Variants in PPEF1 observed in about 807,000 individuals in gnomAD.
The protein encoded by PPEF1 is serine/threonine-protein phosphatase with EF-hands 1.
Under a neutral mutation model 53.3 loss-of-function variants are expected in PPEF1, and 12 were observed. That is an observed-to-expected ratio of 0.23 (90% CI 0.14 to 0.36). The LOEUF (loss-of-function observed/expected upper bound fraction) is 0.36, where lower values mean the gene tolerates loss of function less well. Among genes scored for constraint, PPEF1 ranks in the 10% least tolerant of loss-of-function variants. PPEF1 has a pLI of 1.00. For synonymous variants in PPEF1, 165 were observed against 176.7 expected, an observed-to-expected ratio of 0.93 and a Z score of 0.52; for missense variants, 334 against 490.4, an observed-to-expected ratio of 0.68 and a Z score of 3.01.
chrX:18,740,315 C>G (rs986652010), intron 3 of PPEF1, among the ~76,000 whole-genome samples: 1 of 111,728 alleles, frequency 9.0e-6, no homozygotes, highest in Admixed American at 9.5e-5. Flanking sequence ...GCTGAGAGAT[C>G]AAAATATTTT....
chrX:18,683,109 C>T (rs1928939888), intron 1 of PPEF1, among the ~76,000 whole-genome samples: 1 of 111,569 alleles, frequency 9.0e-6, no homozygotes, highest in Non-Finnish European at 1.9e-5. Context: ...CCCCATGATT[C>T]GATTGCCTCC....
intron 4 of PPEF1, among the ~76,000 whole-genome samples, chrX:18,754,039 A>G (rs1190731837): frequency 1.1e-5 from 1 of 94,029 alleles, no homozygotes; most frequent in Non-Finnish European, 2.2e-5. Flanking sequence ...TTCCTTGAAC[A>G]CCAGGAGCGA....
intron 1 of PPEF1, among the ~76,000 whole-genome samples, chrX:18,727,928 C>T (rs1202650314): frequency 1.8e-5 from 2 of 111,911 alleles, no homozygotes; most frequent in African/African-American, 3.2e-5. Context: ...TCCACTGTTT[C>T]GCTATCCGGA....
chrX:18,799,731 T>C, intron 10 of PPEF1, among the ~76,000 whole-genome samples: 1 of 111,351 alleles, frequency 9.0e-6, no homozygotes, highest in East Asian at 2.8e-4. Context: ...ACGTTCCCAT[T>C]TTTTTTGTTT....
intron 10 of PPEF1, among the ~76,000 whole-genome samples, chrX:18,794,952 T>A (rs767224918): frequency 8.9e-6 from 1 of 112,603 alleles, no homozygotes; most frequent in South Asian, 3.7e-4. Context: ...TTCTTAAATG[T>A]TTCTCCATAT....
At chrX:18,825,306 G>A (rs750648896) in intron 14 of PPEF1, among the ~76,000 whole-genome samples, 12 of 111,534 alleles carry the variant, frequency 1.1e-4, no homozygotes, top group Middle Eastern at 4.6e-3. Context: ...GGCTTTTGAC[G>A]TCACTTCAGA....
At chrX:18,819,678 G>A (rs2046994089) in intron 13 of PPEF1, among the ~76,000 whole-genome samples, 1 of 111,266 alleles carries the variant, frequency 9.0e-6, no homozygotes, top group Admixed American at 9.6e-5. Context: ...TGGGTGACAA[G>A]AGTGAAACTC....
chrX:18,760,759 G>A (rs955840075), intron 5 of PPEF1, among the ~76,000 whole-genome samples: 6 of 101,648 alleles, frequency 5.9e-5, no homozygotes, highest in East Asian at 3.0e-4. Context: ...TCACAGGTGC[G>A]CACCACCAAA....
At chrX:18,745,111 T>A (rs1247676431) in intron 3 of PPEF1, among the ~76,000 whole-genome samples, 2 of 95,509 alleles carry the variant, frequency 2.1e-5, no homozygotes, top group East Asian at 6.0e-4. Flanking sequence ...TATTATATAA[T>A]TATATTATAT....
intron 10 of PPEF1, among the ~76,000 whole-genome samples, chrX:18,793,954 T>C (rs1052484916): frequency 1.8e-5 from 2 of 111,761 alleles, no homozygotes; most frequent in Non-Finnish European, 3.8e-5. Context: ...CTGGTGTGGA[T>C]TTAATTGGGC....
At chrX:18,695,399 T>A (rs1209745010) in intron 4 of PPEF1, among the ~76,000 whole-genome samples, 1 of 112,626 alleles carries the variant, frequency 8.9e-6, no homozygotes, top group Non-Finnish European at 1.9e-5. Context: ...CTCAATTGAT[T>A]AGAAGCAAGT....
chrX:18,777,474 A>C (rs1431703351), intron 6 of PPEF1, among the ~76,000 whole-genome samples: 1 of 112,281 alleles, frequency 8.9e-6, no homozygotes, highest in African/African-American at 3.2e-5. Context: ...TATTTCCTGA[A>C]GGTAGCCATT....
intron 1 of PPEF1, among the ~76,000 whole-genome samples, chrX:18,728,864 C>A (rs769910970): frequency 1.8e-5 from 2 of 111,995 alleles, no homozygotes; most frequent in East Asian, 5.6e-4. Context: ...ATAGTCAACT[C>A]TTATTTTTTA....
At chrX:18,684,588 A>G (rs766402503) in intron 1 of PPEF1, among the ~76,000 whole-genome samples, 4 of 106,149 alleles carry the variant, frequency 3.8e-5, no homozygotes, top group Admixed American at 3.0e-4. Context: ...TACTTAACCT[A>G]TCTTGGGATG....
At chrX:18,800,687 T>C (rs1166354373) in intron 10 of PPEF1, among the ~76,000 whole-genome samples, 2 of 111,286 alleles carry the variant, frequency 1.8e-5, no homozygotes, top group Non-Finnish European at 3.8e-5. Flanking sequence ...CATTGTGAAG[T>C]TGAAAATCGT....
chrX:18,698,996 C>T (rs1386919248), intron 5 of PPEF1, among the ~76,000 whole-genome samples: 1 of 111,898 alleles, frequency 8.9e-6, no homozygotes, highest in African/African-American at 3.2e-5. Context: ...GACATTGGAA[C>T]AACTGTATCT....
intron 3 of PPEF1, among the ~76,000 whole-genome samples, chrX:18,746,836 C>T (rs1172574521): frequency 8.9e-6 from 1 of 112,054 alleles, no homozygotes; most frequent in East Asian, 2.8e-4. Context: ...TCTCTGGGAT[C>T]AAGTTCCATC....
chrX:18,786,042 A>G (rs1431692371), intron 9 of PPEF1, among the ~76,000 whole-genome samples: 3 of 112,454 alleles, frequency 2.7e-5, no homozygotes, highest in South Asian at 3.7e-4. Context: ...CCAAGAGCAC[A>G]AGGGAACATG....
At chrX:18,701,067 C>T (rs1930082988) in intron 6 of PPEF1, among the ~76,000 whole-genome samples, 1 of 111,142 alleles carries the variant, frequency 9.0e-6, no homozygotes, top group African/African-American at 3.3e-5. Flanking sequence ...CAGTTTTGTT[C>T]ATCTGTAACA....
Sources: allele counts gnomAD v4.1 joint callset (sites outside exome capture counted in the v4.1 genomes callset), GRCh38; gene constraint gnomAD v4.1.1; transcripts MANE v1.5; gene names NCBI Gene and HGNC (gene_info 2026-07-23, HGNC 2026-07-21).